TRPM3: variants seen among roughly 807,000 people sequenced by gnomAD.
TRPM3 encodes transient receptor potential cation channel subfamily M member 3.
TRPM3 carries 77 observed loss-of-function variants against 181.2 expected under a neutral mutation model. The observed-to-expected ratio is 0.42, with a 90% confidence interval of 0.35 to 0.51. The LOEUF (loss-of-function observed/expected upper bound fraction) is 0.51. Among genes scored for constraint, TRPM3 ranks in the 20% least tolerant of loss-of-function variants. The pLI is 0.01. For missense variants in TRPM3, 1,759 were observed against 2,196.7 expected (o/e 0.80, Z 3.98); for synonymous variants, 745 against 796.4 (o/e 0.94, Z 1.09).
At chr9:70,796,008 C>A (rs1204058302) in intron 6 of TRPM3, among the ~76,000 whole-genome samples, 1 of 152,186 alleles carries the variant, frequency 6.6e-6, no homozygotes, top group African/African-American at 2.4e-5. Flanking sequence ...TTAATGTAAT[C>A]GATCTAAGTC....
intron 1 of TRPM3, among the ~76,000 whole-genome samples, chr9:70,879,053 C>A (rs1221088403): frequency 6.6e-6 from 1 of 152,124 alleles, no homozygotes; most frequent in Admixed American, 6.6e-5. Flanking sequence ...TGGACCTCAT[C>A]ATACACCTGT....
intron 1 of TRPM3, among the ~76,000 whole-genome samples, chr9:71,428,255 CTTTTT>C (rs567636846): frequency 1.6e-5 from 2 of 128,332 alleles, no homozygotes; most frequent in African/African-American, 5.7e-5. Flanking sequence ...CCATGCCCGG[CTTTTT>C]TTTTTTTTTT....
chr9:70,986,809 A>C (rs1411789195), intron 1 of TRPM3, among the ~76,000 whole-genome samples: 1 of 152,122 alleles, frequency 6.6e-6, no homozygotes, highest in Non-Finnish European at 1.5e-5. Context: ...TTAACACCTC[A>C]GAGGAGGACA....
At chr9:70,662,167 T>C (rs185777935) in intron 9 of TRPM3, among the ~76,000 whole-genome samples, 2 of 152,108 alleles carry the variant, frequency 1.3e-5, no homozygotes, top group East Asian at 1.9e-4. Context: ...AAACATACAT[T>C]GGGAAAAGGA....
chr9:70,570,157 C>G (rs540519819), intron 22 of TRPM3, among the ~76,000 whole-genome samples: 1 of 151,718 alleles, frequency 6.6e-6, no homozygotes, highest in Non-Finnish European at 1.5e-5. Flanking sequence ...CAATCCATCG[C>G]TAGCCTAACT....
chr9:70,635,205 T>G lies in TRPM3; in HGVS notation c.1632+6A>C. The stretch of plus-strand genomic sequence containing the variant: ...GCCTCCGACCTGCAGTCGAGAGGGT[T>G]CTTACCTTTTTGACATCCCTGACCA... On this transcript the variant is annotated splice_donor_region_variant and intron_variant, in intron 12 of 25. Coordinates refer to ENST00000677713, the MANE Select transcript of TRPM3 (RefSeq NM_001366145.2). The G allele has an allele frequency of 6.2e-7, 1 of 1,613,756 alleles. No individual in the cohort carries two copies.
At chr9:71,169,265 T>C (rs2076717250) in intron 1 of TRPM3, among the ~76,000 whole-genome samples, 1 of 152,172 alleles carries the variant, frequency 6.6e-6, no homozygotes, top group Non-Finnish European at 1.5e-5. Context: ...AAAACACATC[T>C]CCAGGTCAAA....
intron 1 of TRPM3, among the ~76,000 whole-genome samples, chr9:71,071,961 A>T (rs1290685618): frequency 6.6e-6 from 1 of 152,180 alleles, no homozygotes; most frequent in Non-Finnish European, 1.5e-5. Flanking sequence ...AAAGTAAAAA[A>T]GAAATGGGTA....
chr9:70,554,347 G>C (rs2047158424), intron 22 of TRPM3, among the ~76,000 whole-genome samples: 1 of 152,154 alleles, frequency 6.6e-6, no homozygotes, highest in Non-Finnish European at 1.5e-5. Context: ...AGGTGGTTGG[G>C]GGGAGTGGGA....
At chr9:71,153,608 T>C (rs1406817419) in intron 1 of TRPM3, among the ~76,000 whole-genome samples, 1 of 152,086 alleles carries the variant, frequency 6.6e-6, no homozygotes, top group African/African-American at 2.4e-5. Flanking sequence ...TAAATGTCTA[T>C]ACTCCCTTAA....
intron 1 of TRPM3, among the ~76,000 whole-genome samples, chr9:70,965,402 C>A (rs1396800905): frequency 4.6e-5 from 7 of 152,030 alleles, no homozygotes; most frequent in Admixed American, 2.0e-4. Context: ...AAGACCAAAT[C>A]ACAGATTTCA....
chr9:70,740,759 AC>A (rs1253326443), intron 8 of TRPM3, among the ~76,000 whole-genome samples: 1 of 152,228 alleles, frequency 6.6e-6, no homozygotes, highest in African/African-American at 2.4e-5. Flanking sequence ...ATTGGCAATC[AC>A]ATGTAGAAGA....
Position 71,121,189 on chromosome 9 carries a change from T to C in TRPM3, c.166A>G (p.Arg56Gly). The part of the protein sequence containing the change: ...LCHAAFLPSV[R>G]LLKAQKSWIE... ...GCAAGTTACAGTACCTTCAGAAGTC[T>C]GACAGATGGAAGAAAGGCTGCGTGG... Residue 56 changes from arginine (R) to glycine (G), a missense_variant, in exon 1 of 26, where the codon AGA becomes GGA. Physicochemically the swap from Arg to Gly is moderately radical, Grantham distance 125. Transcript: ENST00000677713. 1 of 1,613,670 alleles carries C rather than the reference T, an allele frequency of 6.2e-7. No individual in the cohort carries two copies. The highest frequency in any genetic ancestry group is 8.5e-7 in the Non-Finnish European group (1 of 1,179,824).
At chr9:70,862,857 A>G (rs776828966) in intron 3 of TRPM3, 51 bp downstream of exon 3, 1 of 1,580,956 alleles carries the variant, frequency 6.3e-7, no homozygotes, top group Non-Finnish European at 8.7e-7. Flanking sequence ...CCTTTGCAGG[A>G]CTTGAGACTT....
chr9:70,854,488 G>T (rs1420619592), intron 3 of TRPM3, among the ~76,000 whole-genome samples: 1 of 152,130 alleles, frequency 6.6e-6, no homozygotes, highest in African/African-American at 2.4e-5. Context: ...CCTTATATAT[G>T]GCCCCTGGGT....
At chr9:71,168,601 T>A (rs542331270) in intron 1 of TRPM3, among the ~76,000 whole-genome samples, 1 of 31,236 alleles carries the variant, frequency 3.2e-5, no homozygotes, top group Non-Finnish European at 6.3e-5. Flanking sequence ...TTATTTTTAT[T>A]TTTATTTATT....
intron 1 of TRPM3, among the ~76,000 whole-genome samples, chr9:71,425,249 T>C (rs775905469): frequency 3.9e-5 from 6 of 152,120 alleles, no homozygotes; most frequent in Non-Finnish European, 8.8e-5. Flanking sequence ...AAACTGATAA[T>C]ACCCAGGTTA....
At chr9:70,786,698 T>G (rs1234241004) in intron 6 of TRPM3, among the ~76,000 whole-genome samples, 1 of 152,202 alleles carries the variant, frequency 6.6e-6, no homozygotes, top group African/African-American at 2.4e-5. Context: ...CAAAAGTAAT[T>G]GTGTTTTTTG....
At chr9:71,305,842 T>C (rs1008078904) in intron 1 of TRPM3, among the ~76,000 whole-genome samples, 2 of 152,176 alleles carry the variant, frequency 1.3e-5, no homozygotes, top group Admixed American at 1.3e-4. Flanking sequence ...TGCTCGTTAC[T>C]AGGAATTACC....
Sources: gnomAD v4.1 joint callset for allele counts (sites outside exome capture counted in the v4.1 genomes callset) on GRCh38, gnomAD v4.1.1 for gene constraint, MANE v1.5 for transcripts, NCBI Gene and HGNC (gene_info 2026-07-23, HGNC 2026-07-21) for gene names.